The following FRMD4B variants were observed in gnomAD, a reference collection of about 807,000 sequenced individuals.
The protein encoded by FRMD4B is FERM domain-containing protein 4B.
In FRMD4B, 74 loss-of-function variants were observed where a neutral mutation model predicts 141.5. That is an observed-to-expected ratio of 0.52 (90% CI 0.43 to 0.63). The LOEUF (loss-of-function observed/expected upper bound fraction) is 0.63. Ranked by LOEUF, FRMD4B falls within the 30% of genes least tolerant of loss-of-function variation. The pLI, the probability that FRMD4B is intolerant of heterozygous loss-of-function variation, is 0.00. For missense variants in FRMD4B, 1,366 were observed against 1,253.4 expected (o/e 1.09, Z -1.36); for synonymous variants, 506 against 467.9 (o/e 1.08, Z -1.05).
chr3:69,517,142 T>G (rs748938769), intron 1 of FRMD4B, among the ~76,000 whole-genome samples: 2 of 152,216 alleles, frequency 1.3e-5, no homozygotes. Flanking sequence ...TCAGGTCATA[T>G]CTCTGATACT....
chr3:69,339,172 T>C (rs931685039), intron 1 of FRMD4B, among the ~76,000 whole-genome samples: 55 of 152,064 alleles, frequency 3.6e-4, no homozygotes, highest in South Asian at 4.2e-4. Context: ...TTTCCTTTAT[T>C]TTTTTTTCCT....
Position 69,193,680 on chromosome 3 carries a change from T to C in FRMD4B, c.1682A>G (p.Lys561Arg), listed in dbSNP as rs1044161006. ...AINEYRIRCGKKPSQKATVLP... is the reference protein window; with the variant it reads ...AINEYRIRCGRKPSQKATVLP... ...CACTGTTGCTTTCTGGCTGGGTTTC[T>C]TTCCACACCTAATTCGGTATTCGTT... is the stretch of plus-strand genomic sequence containing the variant. Residue 561 changes from lysine to arginine, a missense_variant, in exon 17 of 23, where the codon AAG becomes AGG. Lys to Arg is a conservative substitution (Grantham distance 26). Transcript: ENST00000398540. 2.5e-6 allele frequency: 4 copies of C among 1,613,386 alleles called. No individual in the cohort carries two copies. Among genetic ancestry groups the C allele is most frequent in the Non-Finnish European group, 2.5e-6 (3 of 1,179,492 alleles).
chr3:69,170,495 T>C lies in FRMD4B; in HGVS notation c.*1366A>G, dbSNP rs887530223. On this transcript the variant is annotated 3_prime_UTR_variant, in exon 23 of 23. Coordinates refer to ENST00000398540, the MANE Select transcript of FRMD4B (RefSeq NM_015123.3). Reference sequence around the variant, plus strand: ...AAGGACCAGTTTAACAAATCGTTTTTATGTATATATTACATGCTTTGGAAT... The same window carrying C: ...AAGGACCAGTTTAACAAATCGTTTTCATGTATATATTACATGCTTTGGAAT... The C allele has an allele frequency of 6.6e-6, 1 of 152,220 alleles. No homozygotes were observed. The highest frequency in any genetic ancestry group is 2.4e-5 in the African/African-American group (1 of 41,464). 9.4% of individuals were successfully genotyped at this position (152,220 alleles called of 1,614,324 possible). A position where few individuals can be genotyped will look rare whatever the true frequency, so the allele number is the denominator to read the frequency against.
chr3:69,480,893 C>T (rs958532075), intron 1 of FRMD4B, among the ~76,000 whole-genome samples: 9 of 152,228 alleles, frequency 5.9e-5, no homozygotes, highest in African/African-American at 2.2e-4. Flanking sequence ...TATTTGTTTA[C>T]CTAAGCAAGC....
chr3:69,410,410 G>A (rs889334198), intron 2 of FRMD4B, among the ~76,000 whole-genome samples: 1 of 152,104 alleles, frequency 6.6e-6, no homozygotes, highest in Non-Finnish European at 1.5e-5. Flanking sequence ...GTGAGTATGA[G>A]TATGAGGGTG....
At chr3:69,209,005 G>A (rs984687452) in intron 11 of FRMD4B, among the ~76,000 whole-genome samples, 6 of 152,072 alleles carry the variant, frequency 3.9e-5, no homozygotes, top group Non-Finnish European at 8.8e-5. Context: ...TTAGCTGGGC[G>A]TGGTGGCGTG....
At chr3:69,512,789 TTAAAAGGA>T (rs1706710160) in intron 1 of FRMD4B, among the ~76,000 whole-genome samples, 1 of 152,040 alleles carries the variant, frequency 6.6e-6, no homozygotes, top group African/African-American at 2.4e-5. Context: ...TGTTCCATCA[TTAAAAGGA>T]TAAAAGGTAA....
intron 5 of FRMD4B, among the ~76,000 whole-genome samples, chr3:69,275,078 A>C (rs1272695223): frequency 6.6e-6 from 1 of 152,234 alleles, no homozygotes; most frequent in African/African-American, 2.4e-5. Context: ...GCTGAAATAT[A>C]TAAAATGCTA....
intron 1 of FRMD4B, among the ~76,000 whole-genome samples, chr3:69,452,089 T>C (rs1013739056): frequency 1.3e-5 from 2 of 152,270 alleles, no homozygotes; most frequent in African/African-American, 4.8e-5. Flanking sequence ...ACGAACTTTA[T>C]AATGGTAGGA....
chr3:69,409,369 T>C (rs1031317346), intron 2 of FRMD4B, among the ~76,000 whole-genome samples: 2 of 152,308 alleles, frequency 1.3e-5, no homozygotes, highest in East Asian at 3.9e-4. Context: ...TTCCTAGGCA[T>C]GGTCCCATTT....
At chr3:69,428,304 T>A (rs1041851025) in intron 2 of FRMD4B, among the ~76,000 whole-genome samples, 2 of 150,748 alleles carry the variant, frequency 1.3e-5, no homozygotes, top group Non-Finnish European at 3.0e-5. Context: ...AGTGATCTCA[T>A]CTGTGAAATG....
rs142146968 is a variant in FRMD4B, at chr3:69,290,075, G to C, written c.417-2239C>G. Reference sequence around the variant, plus strand: ...AATTTTGTCTCAGCTTTTCCTTTTGGGTAGACAGTATTCTCCTCTCCCATC... The same window carrying C: ...AATTTTGTCTCAGCTTTTCCTTTTGCGTAGACAGTATTCTCCTCTCCCATC... On this transcript the variant is annotated intron_variant, in intron 4 of 22. Transcript: ENST00000398540. Among the ~76,000 whole-genome samples, 371 of 152,164 alleles carry C rather than the reference G, an allele frequency of 2.4e-3. 2 individuals are homozygous for C. The highest frequency in any genetic ancestry group is 8.0e-3 in the African/African-American group (331 of 41,520).
At chr3:69,223,808 G>A (rs1690620143) in intron 8 of FRMD4B, among the ~76,000 whole-genome samples, 2 of 152,230 alleles carry the variant, frequency 1.3e-5, no homozygotes, top group East Asian at 1.9e-4. Context: ...CAGCCTAGGC[G>A]ACAGAGCAAG....
intron 1 of FRMD4B, among the ~76,000 whole-genome samples, chr3:69,385,084 A>C (rs142520454): frequency 8.5e-5 from 13 of 152,244 alleles, no homozygotes; most frequent in African/African-American, 2.6e-4. Flanking sequence ...AAAAAAAGAA[A>C]TCCAGGCAAA....
intron 1 of FRMD4B, among the ~76,000 whole-genome samples, chr3:69,368,716 G>A (rs1559833370): frequency 6.6e-6 from 1 of 152,320 alleles, no homozygotes; most frequent in Non-Finnish European, 1.5e-5. Flanking sequence ...GGAGTGCAGT[G>A]GTGCAATCAC....
At chr3:69,310,375 T>C (rs886595523) in intron 3 of FRMD4B, 6 of 436,334 alleles carry the variant, frequency 1.4e-5, no homozygotes, top group Non-Finnish European at 2.8e-5. Context: ...AAAAGAATGC[T>C]GGATGGTTGG....
At chr3:69,348,030 C>G (rs1206086994) in intron 1 of FRMD4B, among the ~76,000 whole-genome samples, 4 of 152,164 alleles carry the variant, frequency 2.6e-5, no homozygotes, top group Middle Eastern at 3.4e-3. Context: ...TTCAAAAAAT[C>G]AATGAATCCA....
chr3:69,409,180 C>T (rs926730015), intron 2 of FRMD4B, among the ~76,000 whole-genome samples: 1 of 152,132 alleles, frequency 6.6e-6, no homozygotes, highest in Non-Finnish European at 1.5e-5. Flanking sequence ...CTTCTTTGTG[C>T]TGAATGTGTG....
intron 1 of FRMD4B, among the ~76,000 whole-genome samples, chr3:69,541,675 A>C (rs187421700): frequency 6.6e-6 from 1 of 152,310 alleles, no homozygotes; most frequent in East Asian, 1.9e-4. Context: ...CAAAATAAGA[A>C]GCTATTCACA....
Sources: allele counts gnomAD v4.1 joint callset (sites outside exome capture counted in the v4.1 genomes callset), GRCh38; gene constraint gnomAD v4.1.1; transcripts MANE v1.5; gene names NCBI Gene and HGNC (gene_info 2026-07-23, HGNC 2026-07-21).